LYN: variants seen among roughly 807,000 people sequenced by gnomAD.
The protein encoded by LYN is tyrosine-protein kinase Lyn.
In LYN, 12 loss-of-function variants were observed where a neutral mutation model predicts 65.0. That is an observed-to-expected ratio of 0.18 (90% confidence interval 0.12 to 0.30). LYN has a LOEUF of 0.30. LYN is among the 10% of genes least tolerant of loss of function. The pLI is 1.00. For missense variants in LYN, 380 were observed against 623.2 expected (o/e 0.61, Z 4.16); for synonymous variants, 222 against 221.2 (o/e 1.00, Z -0.03).
At chr8:55,920,494 T>C (rs892621285) in intron 1 of LYN, among the ~76,000 whole-genome samples, 1 of 152,162 alleles carries the variant, frequency 6.6e-6, no homozygotes, top group Non-Finnish European at 1.5e-5. Context: ...ATTTAACATA[T>C]GCTATTTCAT....
chr8:55,920,515 T>C (rs1348199603), intron 1 of LYN, among the ~76,000 whole-genome samples: 3 of 152,206 alleles, frequency 2.0e-5, no homozygotes, highest in Admixed American at 2.0e-4. Flanking sequence ...TTAATCCTCA[T>C]GGTGACCCCT....
intron 1 of LYN, among the ~76,000 whole-genome samples, chr8:55,928,659 G>T (rs1035980831): frequency 1.3e-5 from 2 of 152,098 alleles, no homozygotes; most frequent in Non-Finnish European, 2.9e-5. Context: ...ATTTTGCAAA[G>T]ATTTTATTTT....
chr8:55,924,972 G>A (rs919932011), intron 1 of LYN, among the ~76,000 whole-genome samples: 4 of 151,986 alleles, frequency 2.6e-5, no homozygotes, highest in African/African-American at 9.7e-5. Flanking sequence ...CTCCCAAGTA[G>A]CTGGGATTAT....
intron 4 of LYN, 52 bp from the exon 5 acceptor site, chr8:55,950,407 G>A: frequency 8.9e-7 from 1 of 1,125,900 alleles, no homozygotes; most frequent in Non-Finnish European, 1.3e-6. Flanking sequence ...TTTGATACAT[G>A]CATGGAGTAT....
rs1563333235 is a variant in LYN at position 56,009,891 on chromosome 8, G to A, written c.1337-17G>A. ...AACGGCATGGGTTTCTGTTCTTTTTGTTTTTTTCCACCCTAGGGAGAACTA... is the reference window on the plus strand; with the variant it reads ...AACGGCATGGGTTTCTGTTCTTTTTATTTTTTTCCACCCTAGGGAGAACTA... On this transcript the variant is annotated splice_polypyrimidine_tract_variant and intron_variant, in intron 12 of 12. Transcript: ENST00000519728. The A allele has an allele frequency of 5.0e-6, 8 of 1,609,470 alleles. No homozygotes were observed. The South Asian group carries it at 7.7e-5, about 16-fold the overall frequency.
Position 55,969,745 on chromosome 8 carries a change from T to A in LYN, c.1002T>A (p.Asp334Glu). The change falls in exon 10 of 13, where the codon GAT becomes GAA. Residue 334 changes from aspartate to glutamate, a missense_variant. Asp to Glu is a conservative substitution (Grantham distance 45). Transcript: ENST00000519728. ...GTTTGCTGGATTTCCTGAAGAGCGA[T>A]GAAGGTGGCAAAGTGCTGCTTCCAA... ...KGSLLDFLKS[D>E]EGGKVLLPKL... is the part of the protein sequence containing the mutation. 1.9e-6 allele frequency: 3 copies of A among 1,614,214 alleles called. No individual in the cohort carries two copies. The highest frequency in any genetic ancestry group is 2.5e-6 in the Non-Finnish European group (3 of 1,180,002).
At chr8:55,892,231 G>A (rs1341325740) in intron 1 of LYN, among the ~76,000 whole-genome samples, 1 of 152,166 alleles carries the variant, frequency 6.6e-6, no homozygotes, top group Non-Finnish European at 1.5e-5. Context: ...GACCAGCCTG[G>A]TCAACAAAGT....
rs532748791 is a variant in LYN at position 55,983,382 on chromosome 8, G to A, written c.1050+13589G>A. Among the ~76,000 whole-genome samples the A allele has an allele frequency of 5.2e-4, 79 of 152,244 alleles. 1 individual carries two copies. The highest frequency in any genetic ancestry group is 1.8e-3 in the African/African-American group (75 of 41,528). The stretch of plus-strand genomic sequence containing the variant: ...ACTGTTCTAGAAATTCCGCATTAGC[G>A]TTTTCCCTCACTTCTGCACTTCCCA... On this transcript the variant is annotated intron_variant, in intron 10 of 12. Transcript: ENST00000519728.
chr8:55,925,922 G>T lies in LYN; in HGVS notation c.-5-15933G>T, dbSNP rs936892755. Among the ~76,000 whole-genome samples the T allele has an allele frequency of 2.0e-5, 3 of 152,194 alleles. No individual in the cohort carries two copies. The South Asian group carries it at 6.2e-4, about 32-fold the overall frequency. On this transcript the variant is annotated intron_variant, in intron 1 of 12. Transcript: ENST00000519728. ...TACAAGTGTTTATGTAAAAATTTTT[G>T]ATTCAGTTTAATTTGATTTTAATAT...
At chr8:55,934,749 A>G (rs1326873263) in intron 1 of LYN, among the ~76,000 whole-genome samples, 1 of 152,126 alleles carries the variant, frequency 6.6e-6, no homozygotes, top group Non-Finnish European at 1.5e-5. Flanking sequence ...CCCTGTAACT[A>G]GCTAGCTAGT....
intron 1 of LYN, among the ~76,000 whole-genome samples, chr8:55,918,671 A>T (rs1805849231): frequency 6.6e-6 from 1 of 152,160 alleles, no homozygotes; most frequent in Non-Finnish European, 1.5e-5. Context: ...GTTAATCCTT[A>T]CTATGGCCTT....
At chr8:55,953,683 A>G (rs1807018113) in intron 7 of LYN, 149 bp from the exon 8 acceptor site, 1 of 579,898 alleles carries the variant, frequency 1.7e-6, no homozygotes. Context: ...CACAAATTTC[A>G]AAAGTCACAA....
In LYN at chr8:55,942,006, T is replaced by A; in HGVS notation, c.132+15T>A. On this transcript the variant is annotated intron_variant, in intron 2 of 12. Coordinates refer to ENST00000519728, the MANE Select transcript of LYN (RefSeq NM_002350.4). The stretch of plus-strand genomic sequence containing the variant: ...AGCAAAGGCCAGTAAGTAGATAGTC[T>A]CAGGGGAGAATTCCCACAGCAAGAT... 1 of 1,612,398 alleles carries A rather than the reference T, an allele frequency of 6.2e-7. No homozygotes were observed. The highest frequency in any genetic ancestry group is 8.5e-7 in the Non-Finnish European group (1 of 1,179,536).
At chr8:56,003,675 A>G (rs2130593359) in intron 12 of LYN, among the ~76,000 whole-genome samples, 1 of 145,592 alleles carries the variant, frequency 6.9e-6, no homozygotes, top group Middle Eastern at 3.6e-3. Context: ...CTCTGTCTCA[A>G]AAAAAAAAAA....
intron 10 of LYN, among the ~76,000 whole-genome samples, chr8:55,970,214 A>T (rs975156952): frequency 6.6e-6 from 1 of 152,232 alleles, no homozygotes; most frequent in African/African-American, 2.4e-5. Context: ...TTGAAAACAG[A>T]GGAACTATGT....
chr8:55,932,620 C>CA (rs1310817083), intron 1 of LYN, among the ~76,000 whole-genome samples: 1 of 152,160 alleles, frequency 6.6e-6, no homozygotes, highest in East Asian at 1.9e-4. Flanking sequence ...AGGGTTTCGC[C>CA]ATGTTGGCCA....
At chr8:55,969,685 A>G in intron 9 of LYN, 32 bp from the exon 10 acceptor site, 1 of 1,515,210 alleles carries the variant, frequency 6.6e-7, no homozygotes, top group Non-Finnish European at 9.2e-7. Context: ...GTGTGTTTGG[A>G]ATGCACTAAC....
intron 4 of LYN, among the ~76,000 whole-genome samples, chr8:55,949,170 A>G (rs781639899): frequency 9.9e-5 from 15 of 152,204 alleles, no homozygotes; most frequent in Non-Finnish European, 2.2e-4. Flanking sequence ...GTCCATCTCT[A>G]TGATAACTAG....
chr8:55,940,908 G>A (rs1172345489), intron 1 of LYN, among the ~76,000 whole-genome samples: 1 of 152,172 alleles, frequency 6.6e-6, no homozygotes, highest in Non-Finnish European at 1.5e-5. Context: ...CACTGTCCTA[G>A]CATGGCTTGC....
Sources: gnomAD v4.1 joint callset for allele counts (sites outside exome capture counted in the v4.1 genomes callset) on GRCh38, gnomAD v4.1.1 for gene constraint, MANE v1.5 for transcripts, NCBI Gene and HGNC (gene_info 2026-07-23, HGNC 2026-07-21) for gene names.